Variants in CFAP69 observed in about 807,000 individuals in gnomAD.
The protein encoded by CFAP69 is cilia and flagella associated protein 69.
In CFAP69, 92 loss-of-function variants were observed where a neutral mutation model predicts 123.0. That is an observed-to-expected ratio of 0.75 (90% CI 0.63 to 0.89). The LOEUF is 0.89. Ranked by LOEUF, CFAP69 falls within the 40% of genes least tolerant of loss-of-function variation. The pLI, the probability that CFAP69 is intolerant of heterozygous loss-of-function variation, is 0.00. For synonymous variants in CFAP69, 380 were observed against 364.3 expected, an observed-to-expected ratio of 1.04 and a Z score of -0.49; for missense variants, 1,067 against 1,096.9, an observed-to-expected ratio of 0.97 and a Z score of 0.39.
At chr7:90,294,610 C>T (rs923530987) in intron 15 of CFAP69, among the ~76,000 whole-genome samples, 9 of 151,894 alleles carry the variant, frequency 5.9e-5, no homozygotes, top group South Asian at 2.1e-4. Flanking sequence ...ACATACAAGA[C>T]GAGGGAAACC....
At chr7:90,306,483 T>C (rs1381799563) in intron 19 of CFAP69, among the ~76,000 whole-genome samples, 1 of 152,192 alleles carries the variant, frequency 6.6e-6, no homozygotes, top group African/African-American at 2.4e-5. Flanking sequence ...AGGGTCCTAG[T>C]AATCCCCATG....
chr7:90,280,247 T>C (rs1206713247), intron 12 of CFAP69, among the ~76,000 whole-genome samples: 1 of 152,196 alleles, frequency 6.6e-6, no homozygotes, highest in Non-Finnish European at 1.5e-5. Context: ...ACCCAGGCTA[T>C]AGTGCAATGG....
intron 15 of CFAP69, among the ~76,000 whole-genome samples, chr7:90,294,080 G>A (rs1791583916): frequency 6.6e-6 from 1 of 152,106 alleles, no homozygotes; most frequent in Non-Finnish European, 1.5e-5. Context: ...ATACAAGATT[G>A]TTTTTTATAT....
intron 22 of CFAP69, among the ~76,000 whole-genome samples, 179 bp downstream of exon 22, chr7:90,309,546 TA>T (rs1020992707): frequency 1.3e-5 from 2 of 151,618 alleles, no homozygotes; most frequent in African/African-American, 4.8e-5. Flanking sequence ...AATTAGAAGT[TA>T]AAAAAATTAA....
At chr7:90,306,359 A>T (rs1793594463) in intron 19 of CFAP69, among the ~76,000 whole-genome samples, 1 of 152,180 alleles carries the variant, frequency 6.6e-6, no homozygotes, top group South Asian at 2.1e-4. Context: ...CTAGAATATG[A>T]GATGGAGCCA....
chr7:90,320,683 T>C, the CFAP69 span: 1 of 152,268 alleles, frequency 6.6e-6, no homozygotes, highest in East Asian at 1.9e-4. Context: ...GGACTCACCT[T>C]TCCCCCCGTA....
intron 1 of CFAP69, among the ~76,000 whole-genome samples, chr7:90,253,192 G>A (rs1172266387): frequency 6.6e-6 from 1 of 152,136 alleles, no homozygotes; most frequent in Non-Finnish European, 1.5e-5. Flanking sequence ...CTCCTGTAAT[G>A]GGGGTAAGCA....
chr7:90,268,575 A>G (rs574154057), intron 6 of CFAP69, among the ~76,000 whole-genome samples, 191 bp downstream of exon 6: 2 of 152,250 alleles, frequency 1.3e-5, no homozygotes, highest in East Asian at 3.9e-4. Context: ...TTTGATTTGC[A>G]TATTTTTATT....
intron 6 of CFAP69, among the ~76,000 whole-genome samples, chr7:90,270,495 T>C (rs1461733980): frequency 6.6e-6 from 1 of 152,114 alleles, no homozygotes; most frequent in Non-Finnish European, 1.5e-5. Flanking sequence ...ATTATGAAAA[T>C]ATAGGCAATT....
At chr7:90,256,292 A>C (rs1232682025) in intron 2 of CFAP69, among the ~76,000 whole-genome samples, 3 of 152,140 alleles carry the variant, frequency 2.0e-5, no homozygotes, top group East Asian at 1.9e-4. Flanking sequence ...AAATCCAAAC[A>C]CTGCATGTTC....
At chr7:90,256,142 A>C (rs1407713928) in intron 2 of CFAP69, among the ~76,000 whole-genome samples, 2 of 152,204 alleles carry the variant, frequency 1.3e-5, no homozygotes, top group African/African-American at 4.8e-5. Context: ...ATGCCCATCA[A>C]TGATAGACTG....
intron 17 of CFAP69, 107 bp from the exon 18 acceptor site, chr7:90,303,862 T>C (rs1793168409): frequency 1.5e-6 from 2 of 1,304,428 alleles, no homozygotes; most frequent in Admixed American, 3.3e-5. Context: ...TTTGCTACAA[T>C]ATTTTTATAT....
chr7:90,309,847 C>G (rs772409139), intron 22 of CFAP69, among the ~76,000 whole-genome samples: 1 of 152,168 alleles, frequency 6.6e-6, no homozygotes, highest in African/African-American at 2.4e-5. Flanking sequence ...CTCTGCTAGA[C>G]TTAATTTGCC....
intron 9 of CFAP69, chr7:90,275,987 T>C (rs1788551177): frequency 6.6e-6 from 1 of 152,204 alleles, no homozygotes; most frequent in Non-Finnish European, 1.5e-5. Flanking sequence ...CTGCTTACTC[T>C]TGGTCACAAG....
chr7:90,289,964 G>C (rs1038007470), intron 15 of CFAP69, among the ~76,000 whole-genome samples: 2 of 152,074 alleles, frequency 1.3e-5, no homozygotes, highest in African/African-American at 4.8e-5. Context: ...CTGTTCTACT[G>C]GTCTTTTGTC....
At chr7:90,249,562 C>G (rs1039375534) in intron 1 of CFAP69, among the ~76,000 whole-genome samples, 3 of 152,150 alleles carry the variant, frequency 2.0e-5, no homozygotes, top group Non-Finnish European at 4.4e-5. Flanking sequence ...GGTGCTTTAT[C>G]CCCTGGAGAG....
Position 90,288,672 on chromosome 7 carries a change from A to T in CFAP69, c.1775+320A>T, listed in dbSNP as rs1350533512. 2.6e-5 allele frequency among the ~76,000 whole-genome samples: 4 copies of T among 152,170 alleles called. No homozygotes were observed. In the East Asian group the frequency reaches 7.7e-4, roughly 29 times the overall value. On this transcript the variant is annotated intron_variant, in intron 15 of 22. Coordinates refer to ENST00000389297, the MANE Select transcript of CFAP69 (RefSeq NM_001039706.3). Reference sequence around the variant, plus strand: ...AGACTACAGAATAAAAGATAAAAAAAAATTCTTAACGCTTGTATAGGGCAC... The same window carrying T: ...AGACTACAGAATAAAAGATAAAAAATAATTCTTAACGCTTGTATAGGGCAC...
intron 21 of CFAP69, among the ~76,000 whole-genome samples, chr7:90,308,928 TG>T (rs1793988321): frequency 6.6e-6 from 1 of 152,200 alleles, no homozygotes; most frequent in Non-Finnish European, 1.5e-5. Flanking sequence ...ATGCATCACC[TG>T]ATATAAATTT....
Position 90,306,902 on chromosome 7 carries a change from T to A in CFAP69, c.2267T>A (p.Ile756Asn), listed in dbSNP as rs780536504. 3 of 1,481,686 alleles carry A rather than the reference T, an allele frequency of 2.0e-6. No homozygotes were observed. The South Asian group carries it at 3.6e-5, about 18-fold the overall frequency. The allele number at this position is 1,481,686 out of a possible 1,614,324, so 91.8% of individuals were successfully genotyped here. A position where few individuals can be genotyped will look rare whatever the true frequency, so the allele number is the denominator to read the frequency against. The change falls in exon 20 of 23, where the codon ATT becomes AAT. Residue 756 changes from isoleucine (I) to asparagine (N), a missense_variant and splice_region_variant. Coordinates refer to ENST00000389297, the MANE Select transcript of CFAP69 (RefSeq NM_001039706.3). The part of the protein sequence containing the change: ...CIIHRYLDFK[I>N]GEIWNEIYEE... ...CTTTGTTAAACTTTGTTATAACAGATTGGAGAAATATGGAATGAAATATAT... is the reference window on the plus strand; with the variant it reads ...CTTTGTTAAACTTTGTTATAACAGAATGGAGAAATATGGAATGAAATATAT...
Sources: gnomAD v4.1 joint callset for allele counts (sites outside exome capture counted in the v4.1 genomes callset) on GRCh38, gnomAD v4.1.1 for gene constraint, MANE v1.5 for transcripts, NCBI Gene and HGNC (gene_info 2026-07-23, HGNC 2026-07-21) for gene names.